The following AFF1 variants were observed in gnomAD, a reference collection of about 807,000 sequenced individuals.
AFF1 encodes AF4/FMR2 family member 1.
Under a neutral mutation model 121.7 loss-of-function variants are expected in AFF1, and 48 were observed. That is an observed-to-expected ratio of 0.39 (90% CI 0.31 to 0.50). AFF1 has a LOEUF of 0.50. Ranked by LOEUF, AFF1 falls within the 20% of genes least tolerant of loss-of-function variation. The pLI, the probability that AFF1 is intolerant of heterozygous loss-of-function variation, is 0.76. For synonymous variants in AFF1, 613 were observed against 563.0 expected, an observed-to-expected ratio of 1.09 and a Z score of -1.26; for missense variants, 1,523 against 1,511.7, an observed-to-expected ratio of 1.01 and a Z score of -0.12.
intron 2 of AFF1, among the ~76,000 whole-genome samples, chr4:87,034,688 C>T (rs888288128): frequency 5.3e-5 from 8 of 152,222 alleles, no homozygotes; most frequent in Admixed American, 3.3e-4. Flanking sequence ...CTGATTAACA[C>T]GTGGTGTTAG....
intron 2 of AFF1, among the ~76,000 whole-genome samples, chr4:87,033,331 C>T (rs1729248251): frequency 6.6e-6 from 1 of 152,132 alleles, no homozygotes. Flanking sequence ...AGCATTTGTT[C>T]TGGCTGAAGC....
intron 2 of AFF1, among the ~76,000 whole-genome samples, chr4:86,955,995 A>G (rs1026520999): frequency 3.3e-5 from 5 of 152,256 alleles, no homozygotes; most frequent in African/African-American, 9.6e-5. Context: ...TTGTGCAAGT[A>G]AATCAAGGGC....
At chr4:86,987,385 C>T (rs553586630) in intron 2 of AFF1, among the ~76,000 whole-genome samples, 4 of 152,168 alleles carry the variant, frequency 2.6e-5, no homozygotes, top group South Asian at 2.1e-4. Flanking sequence ...TGCTCTGTAC[C>T]CTCTTCCAGA....
intron 11 of AFF1, 79 bp downstream of exon 11, chr4:87,108,394 A>G (rs1187953616): frequency 8.1e-6 from 12 of 1,487,390 alleles, no homozygotes; most frequent in Non-Finnish European, 1.1e-5. Context: ...GCTGTGGGCC[A>G]GGACTGACCA....
At chr4:87,081,555 A>G (rs1723181165) in intron 4 of AFF1, among the ~76,000 whole-genome samples, 1 of 152,202 alleles carries the variant, frequency 6.6e-6, no homozygotes, top group Non-Finnish European at 1.5e-5. Flanking sequence ...ATGCCATACC[A>G]TTGTACGGAT....
chr4:87,020,214 T>C (rs1157121786), intron 2 of AFF1, among the ~76,000 whole-genome samples: 1 of 152,244 alleles, frequency 6.6e-6, no homozygotes, highest in Non-Finnish European at 1.5e-5. Context: ...CTCATCTCTT[T>C]TGTACTTCTC....
At chr4:87,071,780 T>C (rs1722086010) in intron 4 of AFF1, among the ~76,000 whole-genome samples, 1 of 152,218 alleles carries the variant, frequency 6.6e-6, no homozygotes, top group Non-Finnish European at 1.5e-5. Flanking sequence ...CCATATGATC[T>C]CTTCTCTGTC....
At position 87,115,198 on chromosome 4, in the gene AFF1, C is replaced by T. The variant is rs777638243; in HGVS notation, c.2365C>T (p.Arg789Cys). ...ACCCCAGCCTCCCGGGAAGGGGAGC[C>T]GCCAGAGGAAAGCAGAAGATAAACA... ...RIPQPPGKGS[R>C]QRKAEDKQPP... The change falls in exon 12 of 21, where the codon CGC (arginine) becomes TGC (cysteine). Residue 789 changes from arginine to cysteine, a missense_variant. By Grantham distance (180) the Arg-to-Cys change is radical. This residue lies in a region of AFF1 where 905 missense variants were observed against 842.5 expected (regional missense o/e 1.07). Coordinates refer to ENST00000395146, the MANE Select transcript of AFF1 (RefSeq NM_001166693.3). The T allele has an allele frequency of 1.3e-5, 21 of 1,614,022 alleles. No individual in the cohort carries two copies. The highest frequency in any genetic ancestry group is 1.6e-5 in the Non-Finnish European group (19 of 1,180,042).
chr4:87,081,866 C>T (rs555166864), intron 4 of AFF1, among the ~76,000 whole-genome samples: 10 of 152,202 alleles, frequency 6.6e-5, no homozygotes, highest in Middle Eastern at 3.4e-3. Context: ...AATAAGCTCT[C>T]AAAATTTCTT....
At chr4:86,951,920 CTTT>C (rs35412461) in intron 2 of AFF1, among the ~76,000 whole-genome samples, 12 of 138,004 alleles carry the variant, frequency 8.7e-5, no homozygotes, top group Non-Finnish European at 1.6e-4. Flanking sequence ...GGCTGGGAAC[CTTT>C]TTTTTTTTTT....
At chr4:87,032,062 C>T (rs886284000) in intron 2 of AFF1, among the ~76,000 whole-genome samples, 4 of 152,158 alleles carry the variant, frequency 2.6e-5, no homozygotes, top group Non-Finnish European at 4.4e-5. Context: ...CCCAAAGAAT[C>T]CTGACAAGCT....
chr4:87,019,779 C>T (rs767819812), intron 2 of AFF1, among the ~76,000 whole-genome samples: 2 of 151,438 alleles, frequency 1.3e-5, no homozygotes, highest in Non-Finnish European at 2.9e-5. Flanking sequence ...TCCTTGAGTT[C>T]TGTGAGCCAC....
chr4:87,020,273 A>G (rs1264083484), intron 2 of AFF1, among the ~76,000 whole-genome samples: 1 of 152,232 alleles, frequency 6.6e-6, no homozygotes, highest in African/African-American at 2.4e-5. Flanking sequence ...CCTTTGTGGC[A>G]TAATGATTGC....
intron 8 of AFF1, among the ~76,000 whole-genome samples, chr4:87,104,456 A>G (rs769295216): frequency 2.6e-5 from 4 of 152,222 alleles, no homozygotes; most frequent in African/African-American, 7.2e-5. Context: ...TACATTTACA[A>G]GTTGCTAACA....
At chr4:87,029,806 AAC>A (rs1728889767) in intron 2 of AFF1, among the ~76,000 whole-genome samples, 1 of 152,310 alleles carries the variant, frequency 6.6e-6, no homozygotes, top group Admixed American at 6.5e-5. Context: ...CACTTCCATC[AAC>A]ACACACTTCA....
chr4:87,029,350 GAC>G (rs1267989081), intron 2 of AFF1, among the ~76,000 whole-genome samples: 1 of 152,194 alleles, frequency 6.6e-6, no homozygotes, highest in Non-Finnish European at 1.5e-5. Context: ...TCCATTTGAA[GAC>G]AGAGGTTTAA....
At chr4:87,007,296 C>G (rs1578044984) in intron 2 of AFF1, 2 of 1,573,502 alleles carry the variant, frequency 1.3e-6, no homozygotes, top group Admixed American at 1.9e-5. Context: ...GGGCGCCGCG[C>G]CGGGACGCGT....
chr4:86,954,890 C>A (rs935207704), intron 2 of AFF1, among the ~76,000 whole-genome samples: 3 of 152,142 alleles, frequency 2.0e-5, no homozygotes, highest in South Asian at 2.1e-4. Context: ...AGTTCAAGCC[C>A]ATGGGGTATT....
At chr4:86,995,956 CGGCCGCCCCGTCTG>C (rs1725138749) in intron 2 of AFF1, among the ~76,000 whole-genome samples, 1 of 149,696 alleles carries the variant, frequency 6.7e-6, no homozygotes, top group African/African-American at 2.4e-5. Context: ...CGTCTCTGCC[CGGCCGCCCCGTCTG>C]AGAAGTGAGG....
Sources: gnomAD v4.1 joint callset for allele counts (sites outside exome capture counted in the v4.1 genomes callset) on GRCh38, gnomAD v4.1.1 for gene constraint, gnomAD v4.1.1 regional missense constraint, MANE v1.5 for transcripts, NCBI Gene and HGNC (gene_info 2026-07-23, HGNC 2026-07-21) for gene names.